Variants in CACNA2D3 observed in about 807,000 individuals in gnomAD.
The protein encoded by CACNA2D3 is calcium voltage-gated channel auxiliary subunit alpha2delta 3.
A neutral mutation model predicts 160.6 loss-of-function variants in CACNA2D3; 60 were observed. The ratio of observed to expected loss-of-function variants is 0.37; its 90% CI spans 0.30 to 0.46. The LOEUF is 0.46. Among genes scored for constraint, CACNA2D3 ranks in the 20% least tolerant of loss-of-function variants. The pLI is 1.00. For missense variants in CACNA2D3, 1,205 were observed against 1,365.0 expected (o/e 0.88, Z 1.85); for synonymous variants, 558 against 492.9 (o/e 1.13, Z -1.75).
intron 14 of CACNA2D3, among the ~76,000 whole-genome samples, chr3:54,830,013 G>A (rs79918664): frequency 1.7e-3 from 16 of 9,626 alleles, no homozygotes; most frequent in Admixed American, 8.5e-3. Flanking sequence ...TCTGCCTCCC[G>A]GGTTCAAGCA....
intron 2 of CACNA2D3, among the ~76,000 whole-genome samples, chr3:54,251,543 T>C (rs1431837435): frequency 6.6e-6 from 1 of 152,200 alleles, no homozygotes; most frequent in Non-Finnish European, 1.5e-5. Context: ...GGTGGCATTG[T>C]AGTGAGTGAG....
At chr3:54,347,358 T>C (rs1005698700) in intron 3 of CACNA2D3, among the ~76,000 whole-genome samples, 6 of 152,200 alleles carry the variant, frequency 3.9e-5, no homozygotes, top group Admixed American at 2.6e-4. Context: ...AAGAAGTGTT[T>C]TAAATGCTCT....
At chr3:54,461,856 T>C (rs1365419655) in intron 4 of CACNA2D3, among the ~76,000 whole-genome samples, 2 of 152,232 alleles carry the variant, frequency 1.3e-5, no homozygotes, top group African/African-American at 4.8e-5. Flanking sequence ...CTAGTTCTTT[T>C]AATTGTGATG....
At chr3:54,717,359 C>T (rs534673517) in intron 11 of CACNA2D3, among the ~76,000 whole-genome samples, 3 of 152,220 alleles carry the variant, frequency 2.0e-5, no homozygotes, top group Non-Finnish European at 4.4e-5. Flanking sequence ...GAATTACCAC[C>T]TCAAAAGGTA....
intron 4 of CACNA2D3, among the ~76,000 whole-genome samples, chr3:54,484,297 C>G (rs887184548): frequency 1.3e-5 from 2 of 152,118 alleles, no homozygotes; most frequent in African/African-American, 4.8e-5. Flanking sequence ...CTCCATGACC[C>G]CCTCCCCGCG....
intron 11 of CACNA2D3, among the ~76,000 whole-genome samples, chr3:54,682,248 A>C (rs1411740228): frequency 1.3e-5 from 2 of 152,128 alleles, no homozygotes; most frequent in Admixed American, 1.3e-4. Context: ...TAAATATGAG[A>C]AGGAAACAGA....
intron 17 of CACNA2D3, among the ~76,000 whole-genome samples, chr3:54,868,092 T>C (rs1368886443): frequency 6.6e-6 from 1 of 152,202 alleles, no homozygotes; most frequent in African/African-American, 2.4e-5. Flanking sequence ...AGTTTCTTAG[T>C]AGGGGAAAAG....
chr3:54,453,004 T>C lies in CACNA2D3; in HGVS notation c.382-50488T>C, dbSNP rs575021831. On this transcript the variant is annotated intron_variant, in intron 4 of 37. Transcript: ENST00000474759. ...TTCTTTCTCTCTCTCTTTCTCCTCT[T>C]TCTTTCTGACAGGGTCCCTCTCTGT... 2.0e-5 allele frequency among the ~76,000 whole-genome samples: 3 copies of C among 152,122 alleles called. No homozygotes were observed. In the South Asian group the frequency reaches 6.2e-4, roughly 32 times the overall value.
chr3:54,760,931 C>T (rs746016374), intron 12 of CACNA2D3, among the ~76,000 whole-genome samples: 2 of 152,082 alleles, frequency 1.3e-5, no homozygotes, highest in Non-Finnish European at 2.9e-5. Flanking sequence ...GTCGGGTATA[C>T]AGTTGGCCGT....
chr3:55,003,078 A>G (rs531388644), intron 31 of CACNA2D3, among the ~76,000 whole-genome samples: 4 of 152,236 alleles, frequency 2.6e-5, no homozygotes, highest in Non-Finnish European at 5.9e-5. Flanking sequence ...GTCCTGCTGC[A>G]TGAAGCTTTT....
chr3:54,636,576 C>T (rs1223271633), intron 10 of CACNA2D3, among the ~76,000 whole-genome samples: 5 of 151,280 alleles, frequency 3.3e-5, no homozygotes, highest in African/African-American at 7.3e-5. Flanking sequence ...AGCCTCTGCA[C>T]GCAGACATGA....
intron 4 of CACNA2D3, among the ~76,000 whole-genome samples, chr3:54,459,950 A>G (rs1700468745): frequency 1.3e-5 from 2 of 152,168 alleles, no homozygotes; most frequent in South Asian, 2.1e-4. Flanking sequence ...AATTTTTTGT[A>G]TAAGGTGTAA....
chr3:54,220,167 G>A (rs1233527657), intron 2 of CACNA2D3, among the ~76,000 whole-genome samples: 1 of 151,982 alleles, frequency 6.6e-6, no homozygotes, highest in Non-Finnish European at 1.5e-5. Context: ...TTGTTTCTTG[G>A]TGGGTCCTAA....
intron 11 of CACNA2D3, among the ~76,000 whole-genome samples, chr3:54,667,950 A>G (rs1700097223): frequency 5.1e-5 from 1 of 19,554 alleles, no homozygotes; most frequent in Non-Finnish European, 1.1e-3. Context: ...CCCATCTCAA[A>G]AAAAAAAAAA....
At chr3:54,761,135 G>C (rs1324213098) in intron 12 of CACNA2D3, among the ~76,000 whole-genome samples, 2 of 152,018 alleles carry the variant, frequency 1.3e-5, no homozygotes. Context: ...TCTTCCCTTG[G>C]CACTGTTTTT....
At chr3:54,600,057 G>A (rs1219398188) in intron 9 of CACNA2D3, among the ~76,000 whole-genome samples, 2 of 152,228 alleles carry the variant, frequency 1.3e-5, no homozygotes, top group African/African-American at 2.4e-5. Flanking sequence ...TTTCGGACTG[G>A]AGGTTGGAGC....
chr3:54,692,092 G>A (rs1700582858), intron 11 of CACNA2D3, among the ~76,000 whole-genome samples: 1 of 151,926 alleles, frequency 6.6e-6, no homozygotes, highest in Non-Finnish European at 1.5e-5. Context: ...TCCCACCTCA[G>A]CCTCCCGAGT....
intron 3 of CACNA2D3, among the ~76,000 whole-genome samples, chr3:54,336,898 C>A (rs994225369): frequency 8.6e-5 from 13 of 151,970 alleles, no homozygotes; most frequent in African/African-American, 2.7e-4. Context: ...AACACATGCC[C>A]CATTAAGGAG....
intron 2 of CACNA2D3, among the ~76,000 whole-genome samples, chr3:54,181,633 G>A (rs1347407226): frequency 6.6e-6 from 1 of 152,116 alleles, no homozygotes; most frequent in East Asian, 1.9e-4. Flanking sequence ...GCTGACAGGG[G>A]CAGAGTCAGG....
Sources: gnomAD v4.1 joint callset for allele counts (sites outside exome capture counted in the v4.1 genomes callset) on GRCh38, gnomAD v4.1.1 for gene constraint, MANE v1.5 for transcripts, NCBI Gene and HGNC (gene_info 2026-07-23, HGNC 2026-07-21) for gene names.